The following CCBE1 variants were observed in gnomAD, a reference collection of about 807,000 sequenced individuals.
CCBE1 encodes collagen and calcium binding EGF domains 1, also known as collagen and calcium-binding EGF domain-containing protein 1.
A neutral mutation model predicts 50.0 loss-of-function variants in CCBE1; 37 were observed. The ratio of observed to expected loss-of-function variants is 0.74; its 90% CI spans 0.57 to 0.97. The LOEUF (loss-of-function observed/expected upper bound fraction) is 0.97. Among genes scored for constraint, CCBE1 ranks in the 50% least tolerant of loss-of-function variants. CCBE1 has a pLI of 0.00. For missense variants in CCBE1, 538 were observed against 523.8 expected, an observed-to-expected ratio of 1.03 and a Z score of -0.26; for synonymous variants, 234 against 203.7, an observed-to-expected ratio of 1.15 and a Z score of -1.27.
chr18:59,533,558 G>A (rs1915131629), intron 2 of CCBE1, among the ~76,000 whole-genome samples: 1 of 152,110 alleles, frequency 6.6e-6, no homozygotes, highest in Non-Finnish European at 1.5e-5. Flanking sequence ...AATGTAAATA[G>A]TTTTAACTTT....
chr18:59,615,884 T>C (rs143496931), intron 2 of CCBE1, among the ~76,000 whole-genome samples: 1 of 152,272 alleles, frequency 6.6e-6, no homozygotes, highest in African/African-American at 2.4e-5. Flanking sequence ...CAAGCACTCA[T>C]AGAGCAAAGA....
At chr18:59,443,057 A>T (rs1910509301) in intron 7 of CCBE1, among the ~76,000 whole-genome samples, 1 of 151,946 alleles carries the variant, frequency 6.6e-6, no homozygotes, top group Non-Finnish European at 1.5e-5. Flanking sequence ...GACCATACCG[A>T]GTTTAACAAG....
rs1280751586 is a variant in CCBE1, at chr18:59,611,441, G to A, written c.212+85188C>T. On this transcript the variant is annotated intron_variant, in intron 2 of 10. Coordinates refer to ENST00000439986, the MANE Select transcript of CCBE1 (RefSeq NM_133459.4). ...AAGCCCACACATGAGTGAAGCAGAG[G>A]ACTGTCAAGAAGCATTTTTCGGGCC... is the stretch of plus-strand genomic sequence containing the variant. Among the ~76,000 whole-genome samples the A allele has an allele frequency of 2.0e-5, 3 of 152,288 alleles. No individual in the cohort carries two copies. In the East Asian group the frequency reaches 5.8e-4, roughly 29 times the overall value.
intron 2 of CCBE1, among the ~76,000 whole-genome samples, chr18:59,622,855 G>C (rs1161461781): frequency 6.6e-6 from 1 of 150,784 alleles, no homozygotes; most frequent in Non-Finnish European, 1.5e-5. Flanking sequence ...GCCAGGGTCT[G>C]GGGGAGGGAG....
At chr18:59,613,161 T>A (rs1012645163) in intron 2 of CCBE1, among the ~76,000 whole-genome samples, 2 of 152,042 alleles carry the variant, frequency 1.3e-5, no homozygotes, top group African/African-American at 4.8e-5. Flanking sequence ...CACCTGTGTA[T>A]CTACACCAGC....
At chr18:59,617,138 A>G (rs1337874573) in intron 2 of CCBE1, among the ~76,000 whole-genome samples, 1 of 152,226 alleles carries the variant, frequency 6.6e-6, no homozygotes, top group Non-Finnish European at 1.5e-5. Flanking sequence ...AGTGTACAGT[A>G]CAAAGAAGAG....
At chr18:59,622,888 C>T (rs752173614) in intron 2 of CCBE1, among the ~76,000 whole-genome samples, 1 of 150,706 alleles carries the variant, frequency 6.6e-6, no homozygotes, top group Non-Finnish European at 1.5e-5. Context: ...AGGGGGAGCA[C>T]AGAAAATTTT....
chr18:59,629,844 G>A (rs753264655), intron 2 of CCBE1, among the ~76,000 whole-genome samples: 7 of 152,134 alleles, frequency 4.6e-5, no homozygotes, highest in Non-Finnish European at 1.0e-4. Context: ...GGTAGCAGGC[G>A]AGCCAGGAGG....
At chr18:59,602,921 C>A (rs2144564320) in intron 2 of CCBE1, among the ~76,000 whole-genome samples, 1 of 152,354 alleles carries the variant, frequency 6.6e-6, no homozygotes, top group Admixed American at 6.5e-5. Context: ...ACAGGCTCTG[C>A]ACCCTTGGAT....
Position 59,435,828 on chromosome 18 carries a change from TG to T in CCBE1, c.*79del. On this transcript the variant is annotated 3_prime_UTR_variant, in exon 11 of 11. Transcript: ENST00000439986. The stretch of plus-strand genomic sequence containing the variant: ...AAATGTATGTTTTCTAGGTCTCCAG[TG>T]GTCTTTCTTCTCTTTAGATGGTTTA... 2 of 1,205,470 alleles carry T rather than the reference TG, an allele frequency of 1.7e-6. No homozygotes were observed. The highest frequency in any genetic ancestry group is 2.5e-6 in the Non-Finnish European group (2 of 807,416). 74.7% of individuals were successfully genotyped at this position (1,205,470 alleles called of 1,614,324 possible).
intron 2 of CCBE1, among the ~76,000 whole-genome samples, chr18:59,566,567 G>A (rs996916827): frequency 1.3e-5 from 2 of 152,188 alleles, no homozygotes; most frequent in Non-Finnish European, 2.9e-5. Context: ...AAAAGGCACT[G>A]ATAAAGTAGG....
intron 2 of CCBE1, among the ~76,000 whole-genome samples, chr18:59,552,319 C>T (rs79493913): frequency 6.6e-6 from 1 of 152,162 alleles, no homozygotes; most frequent in Non-Finnish European, 1.5e-5. Flanking sequence ...ATTTTTCCCC[C>T]AGGATGTTCA....
intron 2 of CCBE1, among the ~76,000 whole-genome samples, chr18:59,508,598 CA>C (rs1401287697): frequency 7.3e-6 from 1 of 137,606 alleles, no homozygotes; most frequent in East Asian, 2.2e-4. Flanking sequence ...CTCTGTCTCA[CA>C]AAAAAAAGAA....
intron 2 of CCBE1, among the ~76,000 whole-genome samples, chr18:59,646,463 G>A (rs2054056508): frequency 6.6e-6 from 1 of 152,208 alleles, no homozygotes; most frequent in Non-Finnish European, 1.5e-5. Context: ...AGCCATGGCT[G>A]CACCCAGGGC....
At position 59,645,661 on chromosome 18, in the gene CCBE1, T is replaced by TCC. The variant is rs553728982; in HGVS notation, c.212+50966_212+50967dup. Among the ~76,000 whole-genome samples, 89 of 152,190 alleles carry TCC rather than the reference T, an allele frequency of 5.8e-4. 1 individual carries two copies. The highest frequency in any genetic ancestry group is 9.9e-4 in the Non-Finnish European group (67 of 68,006). ...CAAAAATAATCTGTAGCCAGCACCC[T>TCC]CCCCCATATTCTAAGGAAACTGTAG... On this transcript the variant is annotated intron_variant, in intron 2 of 10. Coordinates refer to ENST00000439986, the MANE Select transcript of CCBE1 (RefSeq NM_133459.4).
intron 3 of CCBE1, 113 bp from the exon 4 acceptor site, chr18:59,469,720 G>A (rs964887439): frequency 2.9e-6 from 4 of 1,365,060 alleles, no homozygotes; most frequent in Admixed American, 1.7e-5. Context: ...CGTGTGAAGT[G>A]TGGACAGATA....
chr18:59,482,952 T>A (rs1912646327), intron 2 of CCBE1, among the ~76,000 whole-genome samples: 1 of 150,756 alleles, frequency 6.6e-6, no homozygotes, highest in African/African-American at 2.4e-5. Flanking sequence ...TACTGCAACA[T>A]CATTCTCGCT....
intron 2 of CCBE1, among the ~76,000 whole-genome samples, chr18:59,629,989 A>G (rs2053831478): frequency 6.6e-6 from 1 of 152,222 alleles, no homozygotes; most frequent in African/African-American, 2.4e-5. Context: ...CAGGGAAAAG[A>G]AAGTTTCCAG....
chr18:59,497,783 T>C (rs1913424077), intron 2 of CCBE1, among the ~76,000 whole-genome samples: 1 of 152,154 alleles, frequency 6.6e-6, no homozygotes, highest in Non-Finnish European at 1.5e-5. Flanking sequence ...ATGGGGTCAC[T>C]GGGATGGTCC....
Sources: allele counts gnomAD v4.1 joint callset (sites outside exome capture counted in the v4.1 genomes callset), GRCh38; gene constraint gnomAD v4.1.1; transcripts MANE v1.5; gene names NCBI Gene and HGNC (gene_info 2026-07-23, HGNC 2026-07-21).